EPB41L1: variants seen among roughly 807,000 people sequenced by gnomAD.
The protein encoded by EPB41L1 is band 4.1-like protein 1.
A neutral mutation model predicts 97.8 loss-of-function variants in EPB41L1; 29 were observed. That is an observed-to-expected ratio of 0.30 (90% CI 0.22 to 0.40). The LOEUF (loss-of-function observed/expected upper bound fraction) is 0.40, where lower values mean the gene tolerates loss of function less well. Ranked by LOEUF, EPB41L1 falls within the 10% of genes least tolerant of loss-of-function variation. The pLI is 1.00. For missense variants in EPB41L1, 812 were observed against 1,162.3 expected, an observed-to-expected ratio of 0.70 and a Z score of 4.38; for synonymous variants, 383 against 459.2, an observed-to-expected ratio of 0.83 and a Z score of 2.12.
chr20:36,155,782 T>C (rs2060271356), intron 1 of EPB41L1: 1 of 386,866 alleles, frequency 2.6e-6, no homozygotes, highest in South Asian at 1.9e-5. Flanking sequence ...CACCACGTGT[T>C]CCCACATTCA....
At chr20:36,131,451 G>A (rs147709547) in intron 2 of EPB41L1, among the ~76,000 whole-genome samples, 1,628 of 152,018 alleles carry the variant, frequency 0.011, 28 homozygotes, top group African/African-American at 0.037. Flanking sequence ...TGTTCCTTGT[G>A]TGTAGGGACT....
chr20:36,164,337 G>A (rs926252879), intron 1 of EPB41L1, among the ~76,000 whole-genome samples: 2 of 152,234 alleles, frequency 1.3e-5, no homozygotes, highest in African/African-American at 4.8e-5. Flanking sequence ...CCCAGAAAGA[G>A]TTGTCTTAGT....
intron 1 of EPB41L1, among the ~76,000 whole-genome samples, chr20:36,171,423 C>G (rs1258453520): frequency 1.3e-5 from 2 of 152,100 alleles, no homozygotes; most frequent in African/African-American, 4.8e-5. Context: ...AGAGTAGTGG[C>G]TTGAGTGGAA....
intron 17 of EPB41L1, among the ~76,000 whole-genome samples, chr20:36,216,052 A>G (rs1392426315): frequency 6.6e-6 from 1 of 152,210 alleles, no homozygotes; most frequent in Non-Finnish European, 1.5e-5. Context: ...CAATCTGTGC[A>G]AAGCCCTGAG....
At chr20:36,155,942 A>G (rs1346071073) in intron 1 of EPB41L1, among the ~76,000 whole-genome samples, 2 of 151,828 alleles carry the variant, frequency 1.3e-5, no homozygotes, top group Admixed American at 1.3e-4. Flanking sequence ...GCCTTCCAGA[A>G]TCAGTGGCAC....
At chr20:36,191,611 C>T (rs966313774) in intron 11 of EPB41L1, among the ~76,000 whole-genome samples, 5 of 152,064 alleles carry the variant, frequency 3.3e-5, no homozygotes, top group East Asian at 1.9e-4. Context: ...AGGTGATGTT[C>T]GGAAGTCACA....
At chr20:36,177,146 C>A (rs1331295511) in intron 3 of EPB41L1, among the ~76,000 whole-genome samples, 1 of 152,174 alleles carries the variant, frequency 6.6e-6, no homozygotes. Context: ...TCCCGAGGGC[C>A]CAGCCAGACC....
At chr20:36,096,181 G>T (rs1340131950) in intron 1 of EPB41L1, among the ~76,000 whole-genome samples, 1 of 152,156 alleles carries the variant, frequency 6.6e-6, no homozygotes, top group Admixed American at 6.6e-5. Flanking sequence ...CAGGGAGCCA[G>T]GAAACATCTA....
rs765812405 is a variant in EPB41L1, at chr20:36,206,321, C to T, written c.1669-3167C>T. The stretch of plus-strand genomic sequence containing the variant: ...GAGCCTCACACTTGTGGGAGACCCA[C>T]TGCTCCAGGGACCAGGCCAGCAGAG... On this transcript the variant is annotated intron_variant, in intron 14 of 21. Transcript: ENST00000338074. This position sits in a 1 kb window ranked among gnomAD's most constrained non-coding sequence, Gnocchi z 5.5. 4 of 1,289,920 alleles carry T rather than the reference C, an allele frequency of 3.1e-6. No homozygotes were observed. Among genetic ancestry groups the T allele is most frequent in the African/African-American group, 1.5e-5 (1 of 66,000 alleles). The allele number at this position is 1,289,920 out of a possible 1,614,324, so 79.9% of individuals were successfully genotyped here.
intron 1 of EPB41L1, among the ~76,000 whole-genome samples, chr20:36,161,952 C>G (rs2060545224): frequency 6.6e-6 from 1 of 152,126 alleles, no homozygotes; most frequent in East Asian, 1.9e-4. Context: ...AGGGTAAAGA[C>G]AGTGTCTCGC....
rs1213330562 is a variant in EPB41L1 at position 36,229,643 on chromosome 20, T to C, written c.*303T>C. On this transcript the variant is annotated 3_prime_UTR_variant, in exon 22 of 22. Coordinates refer to ENST00000338074, the MANE Select transcript of EPB41L1 (RefSeq NM_012156.2). ...ACAAATTGAAGAACTGGTGGGATTT[T>C]TTTCAAGAAAAAAAATTATATAATA... is the stretch of plus-strand genomic sequence containing the variant. The C allele has an allele frequency of 3.4e-6, 1 of 296,754 alleles. No homozygotes were observed. The highest frequency in any genetic ancestry group is 6.2e-6 in the Non-Finnish European group (1 of 161,644). The allele number at this position is 296,754 out of a possible 1,614,324, so 18.4% of individuals were successfully genotyped here.
intron 9 of EPB41L1, among the ~76,000 whole-genome samples, chr20:36,189,447 G>A (rs953940657): frequency 3.9e-5 from 6 of 152,160 alleles, no homozygotes; most frequent in African/African-American, 1.4e-4. Flanking sequence ...CCATGCCCAA[G>A]GTGCTTTAGC....
At chr20:36,204,416 T>C (rs2062675259) in intron 14 of EPB41L1, among the ~76,000 whole-genome samples, 2 of 150,864 alleles carry the variant, frequency 1.3e-5, no homozygotes, top group Non-Finnish European at 2.9e-5. Flanking sequence ...TTTGAAGAAC[T>C]CTTGGGGGAG....
At chr20:36,142,036 G>T (rs1252111418) in intron 2 of EPB41L1, among the ~76,000 whole-genome samples, 2 of 151,140 alleles carry the variant, frequency 1.3e-5, no homozygotes, top group Admixed American at 1.3e-4. Context: ...TTGAACCCAG[G>T]AGGCGGAGGT....
chr20:36,228,372 C>T (rs531160337), intron 21 of EPB41L1, among the ~76,000 whole-genome samples: 1 of 152,166 alleles, frequency 6.6e-6, no homozygotes, highest in Non-Finnish European at 1.5e-5. Context: ...GGAGGCAGAA[C>T]CTATTTTACG....
chr20:36,209,517 G>A lies in EPB41L1; in HGVS notation c.1698G>A (p.Glu566=), dbSNP rs776351956. 13 of 1,613,866 alleles carry A rather than the reference G, an allele frequency of 8.1e-6. No homozygotes were observed. The highest frequency in any genetic ancestry group is 2.2e-5 in the South Asian group (2 of 91,066). The change falls in exon 15 of 22, where the codon GAG becomes GAA. Residue 566 remains glutamate (E), a synonymous_variant. Transcript: ENST00000338074. This position sits in a 1 kb window ranked among gnomAD's most constrained non-coding sequence, Gnocchi z 4.2. ...ERAGLREGSE[E]KVKPPRPRAP... ...CAGGGCTGAGGGAGGGCTCCGAGGA[G>A]AAAGTCAAACCACCACGTCCCCGGG...
intron 21 of EPB41L1, among the ~76,000 whole-genome samples, chr20:36,224,115 C>G (rs1272874428): frequency 6.6e-6 from 1 of 152,172 alleles, no homozygotes; most frequent in Non-Finnish European, 1.5e-5. Context: ...TTCAGCAGAA[C>G]TTTCTGCAGT....
intron 1 of EPB41L1, among the ~76,000 whole-genome samples, chr20:36,095,740 T>C (rs1381995937): frequency 6.6e-6 from 1 of 152,014 alleles, no homozygotes; most frequent in African/African-American, 2.4e-5. Context: ...TACCTGGGAG[T>C]TTGTTAGAAA....
At chr20:36,149,540 G>T (rs1305774776) in intron 2 of EPB41L1, among the ~76,000 whole-genome samples, 1 of 152,218 alleles carries the variant, frequency 6.6e-6, no homozygotes, top group Non-Finnish European at 1.5e-5. Flanking sequence ...TCCCTGCAAG[G>T]TGGGCACTGC....
Sources: allele counts gnomAD v4.1 joint callset (sites outside exome capture counted in the v4.1 genomes callset), GRCh38; gene constraint gnomAD v4.1.1; non-coding constraint Gnocchi (gnomAD v3.1); transcripts MANE v1.5; gene names NCBI Gene and HGNC (gene_info 2026-07-23, HGNC 2026-07-21).